Variants in LRGUK observed in about 807,000 individuals in gnomAD.
LRGUK encodes the protein leucine rich repeats and guanylate kinase domain containing.
In LRGUK, 65 loss-of-function variants were observed where a neutral mutation model predicts 76.0. The ratio of observed to expected loss-of-function variants is 0.85; its 90% CI spans 0.70 to 1.05. The LOEUF (loss-of-function observed/expected upper bound fraction) is 1.05, where lower values mean the gene tolerates loss of function less well. Ranked by LOEUF, LRGUK falls within the 50% of genes least tolerant of loss-of-function variation. The probability of loss-of-function intolerance (pLI) is 0.00; values close to 1 mark genes in which losing one functional copy is unlikely to be tolerated. For missense variants in LRGUK, 758 were observed against 732.8 expected (o/e 1.03, Z -0.40); for synonymous variants, 268 against 265.6 (o/e 1.01, Z -0.09).
intron 18 of LRGUK, among the ~76,000 whole-genome samples, chr7:134,256,460 A>C (rs1358504831): frequency 9.2e-6 from 1 of 108,430 alleles, no homozygotes; most frequent in Non-Finnish European, 1.7e-5. Flanking sequence ...ACTCTGTCTC[A>C]AAAAAAAAAA....
intron 4 of LRGUK, among the ~76,000 whole-genome samples, chr7:134,143,577 C>T (rs975065947): frequency 2.0e-5 from 3 of 152,092 alleles, no homozygotes; most frequent in Admixed American, 6.5e-5. Context: ...GGACATATAG[C>T]GGAATAACTT....
At chr7:134,255,272 TAAC>T (rs1020207143) in intron 18 of LRGUK, among the ~76,000 whole-genome samples, 1 of 150,272 alleles carries the variant, frequency 6.7e-6, no homozygotes, top group African/African-American at 2.5e-5. Context: ...CACAAATTTA[TAAC>T]TACTACCCGG....
At chr7:134,150,479 C>CAAAAAAAAAAAAAAAAAAAAA (rs11403705) in intron 5 of LRGUK, among the ~76,000 whole-genome samples, 1 of 134,574 alleles carries the variant, frequency 7.4e-6, no homozygotes, top group Non-Finnish European at 1.6e-5. Context: ...AACAAGCAAA[C>CAAAAAAAAAAAAAAAAAAAAA]AAAAAAAAAA....
intron 16 of LRGUK, among the ~76,000 whole-genome samples, chr7:134,243,044 G>T (rs1317299940): frequency 6.6e-6 from 1 of 152,110 alleles, no homozygotes; most frequent in African/African-American, 2.4e-5. Flanking sequence ...GTTATTGATG[G>T]GACATATCTC....
chr7:134,199,779 G>A (rs1049648266), intron 14 of LRGUK, among the ~76,000 whole-genome samples: 4 of 151,282 alleles, frequency 2.6e-5, no homozygotes, highest in South Asian at 2.1e-4. Flanking sequence ...TAATCTACAC[G>A]TAGGTTAAAA....
At chr7:134,199,396 A>T in exon 14 of LRGUK, 1 of 1,613,604 alleles carries the variant, frequency 6.2e-7, no homozygotes, top group Non-Finnish European at 8.5e-7. Context: ...ATTTTCCGGG[A>T]TATTTTGATG....
intron 2 of LRGUK, among the ~76,000 whole-genome samples, chr7:134,137,487 A>C (rs1797585161): frequency 6.6e-6 from 1 of 152,186 alleles, no homozygotes; most frequent in Admixed American, 6.5e-5. Context: ...AGAAACACTA[A>C]ACTTTATATC....
At chr7:134,202,634 G>C (rs1044064975) in intron 15 of LRGUK, among the ~76,000 whole-genome samples, 3 of 152,150 alleles carry the variant, frequency 2.0e-5, no homozygotes, top group Non-Finnish European at 4.4e-5. Flanking sequence ...GGAAATTCTG[G>C]CACATGCTAC....
chr7:134,128,751 G>A (rs1433953697), intron 1 of LRGUK, among the ~76,000 whole-genome samples: 3 of 152,060 alleles, frequency 2.0e-5, no homozygotes, highest in Admixed American at 1.3e-4. Context: ...AGGTTTCACC[G>A]TGTTAGTCAG....
chr7:134,251,437 A>C (rs1055893058), intron 18 of LRGUK, among the ~76,000 whole-genome samples: 5 of 152,154 alleles, frequency 3.3e-5, no homozygotes, highest in African/African-American at 1.2e-4. Context: ...CCCTGCTGAC[A>C]CCTTGATTTT....
rs1382539762 is a variant in LRGUK at position 134,163,256 on chromosome 7, A to C, written c.796-141A>C. The stretch of plus-strand genomic sequence containing the variant: ...AGGTGTTTAGAGAGGTGAATGATGG[A>C]AATGGGATGGAGGGAAGGACAAGAA... On this transcript the variant is annotated intron_variant, in intron 6 of 15. Coordinates refer to ENST00000645682, the Ensembl canonical transcript of LRGUK. 3 of 650,700 alleles carry C rather than the reference A, an allele frequency of 4.6e-6. No individual in the cohort carries two copies. The African/African-American group carries it at 5.3e-5, about 12-fold the overall frequency. 40.3% of individuals were successfully genotyped at this position (650,700 alleles called of 1,614,324 possible). A position where few individuals can be genotyped will look rare whatever the true frequency, so the allele number is the denominator to read the frequency against.
intron 1 of LRGUK, among the ~76,000 whole-genome samples, chr7:134,129,869 C>A (rs1035913939): frequency 6.6e-6 from 1 of 152,156 alleles, no homozygotes; most frequent in Non-Finnish European, 1.5e-5. Flanking sequence ...CTCTTTGAGG[C>A]CAAACATATT....
chr7:134,182,394 T>C (rs1799793354), intron 10 of LRGUK, among the ~76,000 whole-genome samples: 1 of 152,214 alleles, frequency 6.6e-6, no homozygotes, highest in Non-Finnish European at 1.5e-5. Flanking sequence ...TGGGGTTCAC[T>C]TGCTCTCAGA....
intron 7 of LRGUK, among the ~76,000 whole-genome samples, chr7:134,171,778 C>G (rs1799261989): frequency 6.6e-6 from 1 of 152,130 alleles, no homozygotes; most frequent in Non-Finnish European, 1.5e-5. Context: ...GTGCTGTTGT[C>G]TCTACTCCTG....
At chr7:134,199,406 G>A (rs200683495) in exon 14 of LRGUK, 1 of 1,613,252 alleles carries the variant, frequency 6.2e-7, no homozygotes, top group Non-Finnish European at 8.5e-7. Context: ...ATATTTTGAT[G>A]AGGTAATCAA....
intron 3 of LRGUK, among the ~76,000 whole-genome samples, chr7:134,142,125 G>A (rs1797791481): frequency 6.6e-6 from 1 of 152,172 alleles, no homozygotes. Context: ...TTCGGGTGAG[G>A]AGGCTCCATT....
At chr7:134,242,376 C>T (rs34453083) in intron 16 of LRGUK, among the ~76,000 whole-genome samples, 51,095 of 151,506 alleles carry the variant, frequency 0.34, 10,509 homozygotes, top group South Asian at 0.48. Flanking sequence ...GGGATATCAC[C>T]ATGGATCCCA....
downstream of LRGUK, among the ~76,000 whole-genome samples, chr7:134,269,043 A>G (rs1381307433): frequency 1.3e-5 from 2 of 151,890 alleles, no homozygotes; most frequent in Admixed American, 1.3e-4. Context: ...AAAAATTCTT[A>G]ACAAAATATT....
At chr7:134,207,867 G>T (rs1446634487) in intron 15 of LRGUK, among the ~76,000 whole-genome samples, 1 of 152,206 alleles carries the variant, frequency 6.6e-6, no homozygotes, top group African/African-American at 2.4e-5. Context: ...TGGGCCCCCA[G>T]AATCCGTCTA....
Sources: gnomAD v4.1 joint callset for allele counts (sites outside exome capture counted in the v4.1 genomes callset) on GRCh38, gnomAD v4.1.1 for gene constraint, MANE v1.5 for transcripts, NCBI Gene and HGNC (gene_info 2026-07-23, HGNC 2026-07-21) for gene names.